Variants in EYS observed in about 807,000 individuals in gnomAD.
The protein encoded by EYS is protein eyes shut homolog.
In EYS, 250 loss-of-function variants were observed where a neutral mutation model predicts 282.1. The observed-to-expected ratio is 0.89, with a 90% CI of 0.80 to 0.98. The LOEUF is 0.98. Ranked by LOEUF, EYS falls within the 50% of genes least tolerant of loss-of-function variation. EYS has a pLI of 0.00. For missense variants in EYS, 4,016 were observed against 3,709.0 expected, an observed-to-expected ratio of 1.08 and a Z score of -2.15; for synonymous variants, 1,355 against 1,282.9, an observed-to-expected ratio of 1.06 and a Z score of -1.20.
In EYS at chr6:64,431,176, A is replaced by T. The variant is rs563574387; in HGVS notation, c.5927+4998T>A. Among the ~76,000 whole-genome samples the T allele has an allele frequency of 2.0e-4, 30 of 152,156 alleles. No individual in the cohort carries two copies. In the South Asian group the frequency reaches 2.3e-3, roughly 12 times the overall value. ...ACCCTCCTGCCTCCCTATTTTTTTGATATGAAGAAAGAATCTGTTCTAGAC... is the reference window on the plus strand; with the variant it reads ...ACCCTCCTGCCTCCCTATTTTTTTGTTATGAAGAAAGAATCTGTTCTAGAC... On this transcript the variant is annotated intron_variant, in intron 28 of 42. Transcript: ENST00000503581.
At chr6:64,929,445 T>C (rs973645962) in intron 15 of EYS, among the ~76,000 whole-genome samples, 6 of 152,162 alleles carry the variant, frequency 3.9e-5, no homozygotes, top group South Asian at 4.1e-4. Context: ...TGTCTTCAAA[T>C]AATATGCCAC....
At chr6:65,597,559 A>G (rs1446656187) in intron 2 of EYS, among the ~76,000 whole-genome samples, 4 of 152,214 alleles carry the variant, frequency 2.6e-5, no homozygotes, top group South Asian at 2.1e-4. Flanking sequence ...ATTATTTTCA[A>G]TTGTAGCCTT....
chr6:64,600,102 G>GA (rs574411056), intron 24 of EYS, among the ~76,000 whole-genome samples: 56 of 152,140 alleles, frequency 3.7e-4, no homozygotes, highest in Non-Finnish European at 6.0e-4. Context: ...ACATAATACA[G>GA]AAAAAACCCA....
chr6:64,759,699 A>C (rs149483940), intron 22 of EYS, among the ~76,000 whole-genome samples: 1 of 152,330 alleles, frequency 6.6e-6, no homozygotes, highest in East Asian at 1.9e-4. Context: ...AATAATCCAC[A>C]AATGATTGCA....
intron 30 of EYS, among the ~76,000 whole-genome samples, chr6:64,271,775 T>A (rs977411185): frequency 6.6e-6 from 1 of 152,130 alleles, no homozygotes; most frequent in Non-Finnish European, 1.5e-5. Flanking sequence ...TATGTCCGTC[T>A]GTTGTTCCAT....
chr6:64,959,958 C>T (rs1158286703), intron 14 of EYS, among the ~76,000 whole-genome samples: 1 of 147,414 alleles, frequency 6.8e-6, no homozygotes, highest in Non-Finnish European at 1.5e-5. Flanking sequence ...AGTGCATGGG[C>T]AAATGTGTGT....
chr6:63,805,519 AACTT>A (rs1770882341), intron 37 of EYS, among the ~76,000 whole-genome samples: 1 of 152,304 alleles, frequency 6.6e-6, no homozygotes, highest in East Asian at 1.9e-4. Context: ...CAAATCAATA[AACTT>A]ACTTCCCATG....
intron 26 of EYS, among the ~76,000 whole-genome samples, chr6:64,503,587 A>G (rs1404149690): frequency 1.3e-5 from 2 of 152,132 alleles, no homozygotes; most frequent in African/African-American, 4.8e-5. Context: ...CAGCTCCCTA[A>G]CTCTTGTAAT....
At chr6:64,226,273 C>G (rs544739373) in intron 31 of EYS, among the ~76,000 whole-genome samples, 22 of 152,106 alleles carry the variant, frequency 1.4e-4, no homozygotes, top group African/African-American at 5.1e-4. Context: ...CCTAGTAAAG[C>G]CTCTCACTTT....
chr6:65,524,098 C>T (rs1405775379), intron 2 of EYS, among the ~76,000 whole-genome samples: 1 of 152,102 alleles, frequency 6.6e-6, no homozygotes, highest in East Asian at 1.9e-4. Flanking sequence ...TCTCAAACTC[C>T]CAACCTCAGA....
chr6:64,076,365 T>A (rs1254938821), intron 32 of EYS, among the ~76,000 whole-genome samples: 2 of 151,848 alleles, frequency 1.3e-5, no homozygotes, highest in East Asian at 1.9e-4. Flanking sequence ...CTAGAGGAGG[T>A]TCTGAGGAGA....
intron 26 of EYS, among the ~76,000 whole-genome samples, chr6:64,494,294 T>C (rs536045921): frequency 1.3e-4 from 19 of 151,782 alleles, no homozygotes; most frequent in African/African-American, 3.9e-4. Flanking sequence ...CTTGGATTAT[T>C]AAAATTTAAT....
At chr6:64,081,218 T>G (rs1457152218) in intron 32 of EYS, among the ~76,000 whole-genome samples, 2 of 152,230 alleles carry the variant, frequency 1.3e-5, no homozygotes, top group Non-Finnish European at 2.9e-5. Context: ...GTGCATTTAT[T>G]TCAAAAGAGA....
intron 26 of EYS, among the ~76,000 whole-genome samples, chr6:64,546,339 A>G (rs1456617255): frequency 6.6e-6 from 1 of 152,206 alleles, no homozygotes; most frequent in African/African-American, 2.4e-5. Context: ...CTGAAACTGG[A>G]TCCGTTCCTT....
At chr6:65,586,207 G>C (rs978468575) in intron 2 of EYS, among the ~76,000 whole-genome samples, 1 of 151,946 alleles carries the variant, frequency 6.6e-6, no homozygotes, top group African/African-American at 2.4e-5. Context: ...TATACACATA[G>C]AGAATTTCAG....
rs143025037 is a variant in EYS at position 64,423,676 on chromosome 6, C to T, written c.5927+12498G>A. 6.1e-3 allele frequency among the ~76,000 whole-genome samples: 923 copies of T among 152,130 alleles called. 8 individuals are homozygous for T. Among genetic ancestry groups the T allele is most frequent in the African/African-American group, 0.019 (784 of 41,512 alleles). On this transcript the variant is annotated intron_variant, in intron 28 of 42. Coordinates refer to ENST00000503581, the MANE Select transcript of EYS (RefSeq NM_001142800.2). ...TACAAAAATTAGCCAGGCGTGGTGG[C>T]GTGTGCCTGTAATCCCAGCTACTCA...
chr6:64,925,261 C>T (rs78438061), intron 15 of EYS, among the ~76,000 whole-genome samples: 4,975 of 152,250 alleles, frequency 0.033, 142 homozygotes, highest in East Asian at 0.13. Flanking sequence ...AAGAATAGTG[C>T]GGGAAAGACC....
At chr6:65,617,296 AT>A (rs1237426690) in intron 2 of EYS, among the ~76,000 whole-genome samples, 1 of 152,138 alleles carries the variant, frequency 6.6e-6, no homozygotes, top group African/African-American at 2.4e-5. Context: ...TGATTTACTT[AT>A]GAGGGACTTA....
chr6:63,911,605 C>T (rs974220873), intron 35 of EYS, among the ~76,000 whole-genome samples: 1 of 152,152 alleles, frequency 6.6e-6, no homozygotes, highest in African/African-American at 2.4e-5. Flanking sequence ...ATTATCAAAA[C>T]TTTGGACAGT....
Sources: allele counts gnomAD v4.1 joint callset (sites outside exome capture counted in the v4.1 genomes callset), GRCh38; gene constraint gnomAD v4.1.1; transcripts MANE v1.5; gene names NCBI Gene and HGNC (gene_info 2026-07-23, HGNC 2026-07-21).